STX8: variants seen among roughly 807,000 people sequenced by gnomAD.
The protein encoded by STX8 is syntaxin 8.
A neutral mutation model predicts 37.5 loss-of-function variants in STX8; 23 were observed. The observed-to-expected ratio is 0.61, with a 90% CI of 0.44 to 0.87. STX8 has a LOEUF of 0.87. STX8 is among the 40% of genes least tolerant of loss of function. The probability of loss-of-function intolerance (pLI) is 0.00; values close to 1 mark genes in which losing one functional copy is unlikely to be tolerated. For missense variants in STX8, 313 were observed against 284.7 expected, an observed-to-expected ratio of 1.10 and a Z score of -0.71; for synonymous variants, 115 against 99.1, an observed-to-expected ratio of 1.16 and a Z score of -0.95.
chr17:9,538,617 C>A (rs1906153794), intron 4 of STX8, among the ~76,000 whole-genome samples: 1 of 152,198 alleles, frequency 6.6e-6, no homozygotes, highest in Non-Finnish European at 1.5e-5. Flanking sequence ...AAAATCTGCA[C>A]TCTGAGAAAA....
intron 6 of STX8, chr17:9,469,807 T>C (rs975109293): frequency 1.3e-5 from 2 of 152,180 alleles, no homozygotes; most frequent in African/African-American, 4.8e-5. Context: ...CTACACGAGC[T>C]AGGAGTGAAT....
At chr17:9,259,675 G>C (rs767184803) in intron 7 of STX8, among the ~76,000 whole-genome samples, 32 of 152,142 alleles carry the variant, frequency 2.1e-4, no homozygotes, top group Non-Finnish European at 3.4e-4. Flanking sequence ...TGGACACCAG[G>C]TGAGAGGAAC....
intron 6 of STX8, among the ~76,000 whole-genome samples, chr17:9,380,255 T>G (rs1453290685): frequency 3.7e-3 from 238 of 65,176 alleles, no homozygotes; most frequent in Non-Finnish European, 4.7e-3. Context: ...TTTCTGTGTG[T>G]TTTTTTTTTT....
intron 2 of STX8, among the ~76,000 whole-genome samples, chr17:9,561,813 G>A (rs1339151557): frequency 6.6e-6 from 1 of 151,734 alleles, no homozygotes; most frequent in African/African-American, 2.4e-5. Context: ...CAATATATGT[G>A]TTCAAAAGGC....
chr17:9,428,327 G>A (rs572195024), intron 6 of STX8, among the ~76,000 whole-genome samples: 21 of 152,266 alleles, frequency 1.4e-4, no homozygotes, highest in Non-Finnish European at 2.4e-4. Flanking sequence ...TGCAAGCTCC[G>A]CCTCCCGGGT....
chr17:9,284,198 T>C (rs749994658), intron 7 of STX8, among the ~76,000 whole-genome samples: 1 of 152,218 alleles, frequency 6.6e-6, no homozygotes, highest in Non-Finnish European at 1.5e-5. Context: ...GCAATGAAAT[T>C]TCCTCAGCAG....
At chr17:9,394,006 T>C (rs191333993) in intron 6 of STX8, among the ~76,000 whole-genome samples, 9 of 152,024 alleles carry the variant, frequency 5.9e-5, no homozygotes, top group Admixed American at 2.0e-4. Context: ...TTTAAAAATA[T>C]ACAAGAGAGA....
chr17:9,260,414 G>A lies in STX8; in HGVS notation c.644-9769C>T, dbSNP rs1453779467. 2.6e-5 allele frequency among the ~76,000 whole-genome samples: 4 copies of A among 152,034 alleles called. No individual in the cohort carries two copies. The South Asian group carries it at 6.2e-4, about 24-fold the overall frequency. On this transcript the variant is annotated intron_variant, in intron 7 of 7. Coordinates refer to ENST00000306357, the MANE Select transcript of STX8 (RefSeq NM_004853.3). ...CAAGGCGGGCGGATCCCCTGAGGCC[G>A]GGAGTTTGAGACCAGCCGGGCCAAC... is the stretch of plus-strand genomic sequence containing the variant.
chr17:9,496,600 T>C (rs1022991154), intron 5 of STX8, among the ~76,000 whole-genome samples: 2 of 152,250 alleles, frequency 1.3e-5, no homozygotes, highest in South Asian at 2.1e-4. Flanking sequence ...GTCCATATCC[T>C]AATCCCCAGA....
chr17:9,393,844 C>T (rs995978580), intron 6 of STX8, among the ~76,000 whole-genome samples: 4 of 152,084 alleles, frequency 2.6e-5, no homozygotes, highest in Admixed American at 6.6e-5. Context: ...AGAGTATGGT[C>T]GGTTTACAAA....
intron 6 of STX8, among the ~76,000 whole-genome samples, chr17:9,454,339 A>G (rs1483348643): frequency 3.3e-5 from 5 of 152,210 alleles, no homozygotes; most frequent in Non-Finnish European, 1.5e-5. Flanking sequence ...GCAGGATGGC[A>G]TGAGATTTCA....
rs998679728 is a variant in STX8, at chr17:9,329,050, C to CAAAAAAAAAAAAAAA, written c.643+49487_643+49501dup. 7.1e-5 allele frequency among the ~76,000 whole-genome samples: 2 copies of CAAAAAAAAAAAAAAA among 27,998 alleles called. 1 individual carries two copies. Among genetic ancestry groups the CAAAAAAAAAAAAAAA allele is most frequent in the African/African-American group, 1.5e-4 (2 of 13,662 alleles). The allele number at this position is 27,998 out of a possible 152,430, so 18.4% of individuals were successfully genotyped here. Reference sequence around the variant, plus strand: ...GGGCGACAAGAGCGAGATTCCATCTCAAAAAAAAAAAAAAAAAAAAAAAAA... The same window carrying CAAAAAAAAAAAAAAA: ...GGGCGACAAGAGCGAGATTCCATCTCAAAAAAAAAAAAAAAAAAAAAAAAAAAAAAAAAAAAAAAA... On this transcript the variant is annotated intron_variant, in intron 7 of 7. Coordinates refer to ENST00000306357, the MANE Select transcript of STX8 (RefSeq NM_004853.3).
intron 7 of STX8, among the ~76,000 whole-genome samples, chr17:9,294,920 A>G (rs1310522322): frequency 1.3e-5 from 2 of 152,216 alleles, no homozygotes; most frequent in Non-Finnish European, 2.9e-5. Flanking sequence ...CACAGAGGAA[A>G]GGCCACGTGA....
At chr17:9,371,570 A>G (rs1449096801) in intron 7 of STX8, among the ~76,000 whole-genome samples, 3 of 151,966 alleles carry the variant, frequency 2.0e-5, no homozygotes, top group Non-Finnish European at 4.4e-5. Flanking sequence ...TATTAAGATC[A>G]TAATTTAACT....
chr17:9,391,513 C>T (rs1204020066), intron 6 of STX8, among the ~76,000 whole-genome samples: 1 of 151,664 alleles, frequency 6.6e-6, no homozygotes, highest in Non-Finnish European at 1.5e-5. Flanking sequence ...TACATAAATA[C>T]ACACACACAC....
chr17:9,575,144 C>T (rs555839889), intron 1 of STX8, among the ~76,000 whole-genome samples: 3 of 152,340 alleles, frequency 2.0e-5, no homozygotes, highest in African/African-American at 7.2e-5. Flanking sequence ...TCATGCAGTC[C>T]TTGGGATTAA....
chr17:9,420,143 T>G (rs749858507), intron 6 of STX8, among the ~76,000 whole-genome samples: 1 of 152,242 alleles, frequency 6.6e-6, no homozygotes, highest in Non-Finnish European at 1.5e-5. Flanking sequence ...TGTGTATTCT[T>G]AGATGGGTAA....
chr17:9,496,182 TCTC>T (rs979368333), intron 5 of STX8, among the ~76,000 whole-genome samples: 4 of 151,778 alleles, frequency 2.6e-5, no homozygotes, highest in Non-Finnish European at 1.5e-5. Context: ...TTCAAGCAAT[TCTC>T]CTGTCTCCGC....
At chr17:9,568,701 C>G (rs888992934) in intron 1 of STX8, among the ~76,000 whole-genome samples, 2 of 152,118 alleles carry the variant, frequency 1.3e-5, no homozygotes, top group African/African-American at 4.8e-5. Flanking sequence ...GAGGTTTCAC[C>G]GTGTTAGCCA....
Sources: gnomAD v4.1 joint callset for allele counts (sites outside exome capture counted in the v4.1 genomes callset) on GRCh38, gnomAD v4.1.1 for gene constraint, MANE v1.5 for transcripts, NCBI Gene and HGNC (gene_info 2026-07-23, HGNC 2026-07-21) for gene names.